The following FBXO8 variants were observed in gnomAD, a reference collection of about 807,000 sequenced individuals.
FBXO8 encodes F-box protein 8.
A neutral mutation model predicts 33.4 loss-of-function variants in FBXO8; 15 were observed. The observed-to-expected ratio is 0.45, with a 90% CI of 0.30 to 0.69. The LOEUF (loss-of-function observed/expected upper bound fraction) is 0.69. Ranked by LOEUF, FBXO8 falls within the 30% of genes least tolerant of loss-of-function variation. FBXO8 has a pLI of 0.08. For synonymous variants in FBXO8, 132 were observed against 131.5 expected (o/e 1.00, Z -0.02); for missense variants, 274 against 380.3 (o/e 0.72, Z 2.32).
chr4:174,252,554 C>T lies in FBXO8; in HGVS notation c.456+7145G>A, dbSNP rs935931928. 1.8e-4 allele frequency among the ~76,000 whole-genome samples: 28 copies of T among 152,116 alleles called. No homozygotes were observed. The highest frequency in any genetic ancestry group is 9.8e-4 in the Admixed American group (15 of 15,278). ...TCTTGGTAGGGTTACTAATACCCCT[C>T]ATGGCTACCAGATGGCTGCACATGG... On this transcript the variant is annotated intron_variant, in intron 3 of 5. Transcript: ENST00000393674. This position sits in a 1 kb window ranked among gnomAD's most constrained non-coding sequence, Gnocchi z 5.1.
In FBXO8 at chr4:174,245,048, G is replaced by A. The variant is rs1452880876; in HGVS notation, c.457-3830C>T. Among the ~76,000 whole-genome samples, 1 of 151,574 alleles carries A rather than the reference G, an allele frequency of 6.6e-6. No homozygotes were observed. Among genetic ancestry groups the A allele is most frequent in the African/African-American group, 2.4e-5 (1 of 41,314 alleles). ...AAACATGAAGCAATACATTAAAATT[G>A]TCCACATTTTATTTTTGAAACATAT... On this transcript the variant is annotated intron_variant, in intron 3 of 5. Transcript: ENST00000393674. This position sits in a 1 kb window ranked among gnomAD's most constrained non-coding sequence, Gnocchi z 4.6.
chr4:174,253,791 A>G lies in FBXO8; in HGVS notation c.456+5908T>C, dbSNP rs1736352857. On this transcript the variant is annotated intron_variant, in intron 3 of 5. Transcript: ENST00000393674. The surrounding 1 kb of genome is among the most constrained non-coding windows in gnomAD (Gnocchi z 4.5). Reference sequence around the variant, plus strand: ...TAGAAGTACGCCAAAGGCTTCTCAAAAAGATTTTTCTCCCTAATAAGTATA... The same window carrying G: ...TAGAAGTACGCCAAAGGCTTCTCAAGAAGATTTTTCTCCCTAATAAGTATA... Among the ~76,000 whole-genome samples, 1 of 152,214 alleles carries G rather than the reference A, an allele frequency of 6.6e-6. No individual in the cohort carries two copies. The highest frequency in any genetic ancestry group is 2.4e-5 in the African/African-American group (1 of 41,460).
rs1370802045 is a variant in FBXO8 at position 174,247,419 on chromosome 4, C to T, written c.457-6201G>A. On this transcript the variant is annotated intron_variant, in intron 3 of 5. Transcript: ENST00000393674. This position sits in a 1 kb window ranked among gnomAD's most constrained non-coding sequence, Gnocchi z 4.6. ...GTAAAATCTAGTACAATGGCCACTA[C>T]TTTTCAGGTCATCAAACTGCCCTTA... Among the ~76,000 whole-genome samples, 6 of 151,608 alleles carry T rather than the reference C, an allele frequency of 4.0e-5. No homozygotes were observed. Among genetic ancestry groups the T allele is most frequent in the Non-Finnish European group, 8.8e-5 (6 of 67,840 alleles).
rs1736148788 is a variant in FBXO8, at chr4:174,245,973, T to C, written c.457-4755A>G. 6.6e-6 allele frequency among the ~76,000 whole-genome samples: 1 copy of C among 151,856 alleles called. No individual in the cohort carries two copies. The highest frequency in any genetic ancestry group is 6.6e-5 in the Admixed American group (1 of 15,194). On this transcript the variant is annotated intron_variant, in intron 3 of 5. Coordinates refer to ENST00000393674, the MANE Select transcript of FBXO8 (RefSeq NM_012180.3). This position sits in a 1 kb window ranked among gnomAD's most constrained non-coding sequence, Gnocchi z 4.6. ...AGTGATGAGTTAGCTTTTAGACATG[T>C]TGAATTTTAGGTGATGACAGATATA...
chr4:174,241,258 T>C lies in FBXO8; in HGVS notation c.457-40A>G, dbSNP rs1184436696. The C allele has an allele frequency of 6.6e-6, 8 of 1,214,730 alleles. No homozygotes were observed. The highest frequency in any genetic ancestry group is 8.3e-6 in the Non-Finnish European group (7 of 839,298). The allele number at this position is 1,214,730 out of a possible 1,614,324, so 75.2% of individuals were successfully genotyped here. ...CAAGTCTACATAAATAAAATTGCTC[T>C]TTATTTATGCATTTTAACAATTAAG... On this transcript the variant is annotated intron_variant, in intron 3 of 5. Transcript: ENST00000393674. This position sits in a 1 kb window ranked among gnomAD's most constrained non-coding sequence, Gnocchi z 4.2.
rs1218105196 is a variant in FBXO8, at chr4:174,278,888, T to A, written c.-9+4522A>T. Among the ~76,000 whole-genome samples, 1 of 152,126 alleles carries A rather than the reference T, an allele frequency of 6.6e-6. No individual in the cohort carries two copies. Among genetic ancestry groups the A allele is most frequent in the Non-Finnish European group, 1.5e-5 (1 of 67,954 alleles). ...ACATTTAATAGTGAAAAGAGACTGA[T>A]GGAAAGAAAACATGAGTTTGACTCA... On this transcript the variant is annotated intron_variant, in intron 1 of 5. Coordinates refer to ENST00000393674, the MANE Select transcript of FBXO8 (RefSeq NM_012180.3). This position sits in a 1 kb window ranked among gnomAD's most constrained non-coding sequence, Gnocchi z 4.1.
rs141017785 is a variant in FBXO8, at chr4:174,254,589, G to A, written c.456+5110C>T. 3.3e-3 allele frequency among the ~76,000 whole-genome samples: 495 copies of A among 152,218 alleles called. 2 individuals are homozygous for A. The highest frequency in any genetic ancestry group is 0.014 in the Middle Eastern group (4 of 294). On this transcript the variant is annotated intron_variant, in intron 3 of 5. Coordinates refer to ENST00000393674, the MANE Select transcript of FBXO8 (RefSeq NM_012180.3). This position sits in a 1 kb window ranked among gnomAD's most constrained non-coding sequence, Gnocchi z 4.2. ...CAGATATATTTATCAATATGTACAG[G>A]CAGTTATTTGAATTCAATATTGCTT...
At chr4:174,260,252 G>A (rs918144399) in intron 2 of FBXO8, among the ~76,000 whole-genome samples, 5 of 151,938 alleles carry the variant, frequency 3.3e-5, no homozygotes, top group African/African-American at 1.2e-4. Flanking sequence ...AGTTGCCCAA[G>A]ATCATACGGC....
chr4:174,241,300 G>C lies in FBXO8; in HGVS notation c.457-82C>G. 2.7e-6 allele frequency: 2 copies of C among 729,016 alleles called. No homozygotes were observed. The highest frequency in any genetic ancestry group is 4.0e-5 in the South Asian group (2 of 50,264). The allele number at this position is 729,016 out of a possible 1,614,324, so 45.2% of individuals were successfully genotyped here. Reference sequence around the variant, plus strand: ...ACAATTAAGCAATAGCACAACAGTAGCTATAAATTCTTTCCAGCATTAATA... The same window carrying C: ...ACAATTAAGCAATAGCACAACAGTACCTATAAATTCTTTCCAGCATTAATA... On this transcript the variant is annotated intron_variant, in intron 3 of 5. Transcript: ENST00000393674. This position sits in a 1 kb window ranked among gnomAD's most constrained non-coding sequence, Gnocchi z 4.2.
chr4:174,263,858 T>G lies in FBXO8; in HGVS notation c.-8-758A>C, dbSNP rs565628865. The stretch of plus-strand genomic sequence containing the variant: ...GAAAGGTGTGCTCTAGTCTCCCCAC[T>G]ACCATCTGACCTCCCACCAGAGCAT... On this transcript the variant is annotated intron_variant, in intron 1 of 5. Transcript: ENST00000393674. This position sits in a 1 kb window ranked among gnomAD's most constrained non-coding sequence, Gnocchi z 4.2. Among the ~76,000 whole-genome samples, 22 of 152,284 alleles carry G rather than the reference T, an allele frequency of 1.4e-4. No homozygotes were observed. The highest frequency in any genetic ancestry group is 5.3e-4 in the African/African-American group (22 of 41,568).
In FBXO8 at chr4:174,263,722, T is replaced by C. The variant is rs757333943; in HGVS notation, c.-8-622A>G. On this transcript the variant is annotated intron_variant, in intron 1 of 5. Coordinates refer to ENST00000393674, the MANE Select transcript of FBXO8 (RefSeq NM_012180.3). The surrounding 1 kb of genome is among the most constrained non-coding windows in gnomAD (Gnocchi z 4.2). ...TAAATAGCTCGGTAACAGTAGACTA[T>C]TTAGTTTTGTTGTTGCCTTAAATTA... is the stretch of plus-strand genomic sequence containing the variant. 2.0e-5 allele frequency among the ~76,000 whole-genome samples: 3 copies of C among 152,186 alleles called. No homozygotes were observed. The highest frequency in any genetic ancestry group is 1.3e-4 in the Admixed American group (2 of 15,280).
At position 174,275,723 on chromosome 4, in the gene FBXO8, A is replaced by AC. The variant is rs1257375793; in HGVS notation, c.-9+7686dup. Among the ~76,000 whole-genome samples the AC allele has an allele frequency of 2.0e-5, 3 of 152,204 alleles. No homozygotes were observed. Among genetic ancestry groups the AC allele is most frequent in the Non-Finnish European group, 2.9e-5 (2 of 68,022 alleles). ...GTCTACCATCATTTCACAAATAGTA[A>AC]CTATTTTAGATTTTGGGAATCCAAC... On this transcript the variant is annotated intron_variant, in intron 1 of 5. Coordinates refer to ENST00000393674, the MANE Select transcript of FBXO8 (RefSeq NM_012180.3). This position sits in a 1 kb window ranked among gnomAD's most constrained non-coding sequence, Gnocchi z 4.4.
In FBXO8 at chr4:174,283,239, G is replaced by A. The variant is rs1384376828; in HGVS notation, c.-9+171C>T. Among the ~76,000 whole-genome samples the A allele has an allele frequency of 6.6e-6, 1 of 152,182 alleles. No homozygotes were observed. Among genetic ancestry groups the A allele is most frequent in the Non-Finnish European group, 1.5e-5 (1 of 68,042 alleles). On this transcript the variant is annotated intron_variant, in intron 1 of 5. Transcript: ENST00000393674. This position sits in a 1 kb window ranked among gnomAD's most constrained non-coding sequence, Gnocchi z 6.7. ...TGACAGTGATTCCTCACTTTAATGAGCCACCACTACTGTCACTCAAGATGC... is the reference window on the plus strand; with the variant it reads ...TGACAGTGATTCCTCACTTTAATGAACCACCACTACTGTCACTCAAGATGC...
At chr4:174,273,855 T>C (rs1266819665) in intron 1 of FBXO8, among the ~76,000 whole-genome samples, 1 of 152,156 alleles carries the variant, frequency 6.6e-6, no homozygotes, top group African/African-American at 2.4e-5. Context: ...AGAATTATTA[T>C]TATTATTATT....
intron 3 of FBXO8, among the ~76,000 whole-genome samples, chr4:174,250,167 G>A (rs1579022585): frequency 2.6e-5 from 4 of 151,892 alleles, no homozygotes; most frequent in Non-Finnish European, 4.4e-5. Context: ...TTTACAGATG[G>A]GGAAACTGAA....
rs1275882457 is a variant in FBXO8 at position 174,267,454 on chromosome 4, G to A, written c.-8-4354C>T. 6.6e-6 allele frequency among the ~76,000 whole-genome samples: 1 copy of A among 152,154 alleles called. No homozygotes were observed. Among genetic ancestry groups the A allele is most frequent in the Non-Finnish European group, 1.5e-5 (1 of 68,020 alleles). On this transcript the variant is annotated intron_variant, in intron 1 of 5. Transcript: ENST00000393674. The surrounding 1 kb of genome is among the most constrained non-coding windows in gnomAD (Gnocchi z 4.7). Reference sequence around the variant, plus strand: ...CCTATCCACTCAGGAGTCTGAGGCAGGAAGATCACTTGAGCTCAGGAGTTT... The same window carrying A: ...CCTATCCACTCAGGAGTCTGAGGCAAGAAGATCACTTGAGCTCAGGAGTTT...
In FBXO8 at chr4:174,237,588, C is replaced by A; in HGVS notation, c.784G>T (p.Val262Leu). The change falls in exon 6 of 6, where the codon GTA becomes TTA. Residue 262 changes from valine (V) to leucine (L), a missense_variant. Physicochemically the swap from Val to Leu is conservative, Grantham distance 32. Around this residue, in one of 2 missense-constraint regions of FBXO8, gnomAD observed 186 missense variants for 293.4 expected, o/e 0.63. Transcript: ENST00000393674. This position sits in a 1 kb window ranked among gnomAD's most constrained non-coding sequence, Gnocchi z 4.4. Reference protein sequence around the residue: ...ELGLSPDAVYVLCYSLILLSI... With the variant: ...ELGLSPDAVYLLCYSLILLSI... ...AGTAGAATCAAAGAGTAGCACAGTACATAGACAGCATCTGGAAAGAAAAAG... is the reference window on the plus strand; with the variant it reads ...AGTAGAATCAAAGAGTAGCACAGTAAATAGACAGCATCTGGAAAGAAAAAG... 1.3e-6 allele frequency: 2 copies of A among 1,594,234 alleles called. No homozygotes were observed. The highest frequency in any genetic ancestry group is 1.7e-6 in the Non-Finnish European group (2 of 1,167,718).
rs1219014581 is a variant in FBXO8, at chr4:174,281,469, G to A, written c.-9+1941C>T. Among the ~76,000 whole-genome samples the A allele has an allele frequency of 2.0e-5, 3 of 152,186 alleles. No homozygotes were observed. The highest frequency in any genetic ancestry group is 4.4e-5 in the Non-Finnish European group (3 of 68,042). ...TCCTGAACCTTGGGAGGCTGTGGAAGGAGGATCGCTTGAGCTCAGGACTTC... is the reference window on the plus strand; with the variant it reads ...TCCTGAACCTTGGGAGGCTGTGGAAAGAGGATCGCTTGAGCTCAGGACTTC... On this transcript the variant is annotated intron_variant, in intron 1 of 5. Transcript: ENST00000393674. This position sits in a 1 kb window ranked among gnomAD's most constrained non-coding sequence, Gnocchi z 4.6.
Position 174,241,131 on chromosome 4 carries a change from A to G in FBXO8, c.544T>C (p.Trp182Arg), listed in dbSNP as rs754641181. The G allele has an allele frequency of 3.1e-6, 5 of 1,606,532 alleles. No individual in the cohort carries two copies. In the South Asian group the frequency reaches 5.5e-5, roughly 18 times the overall value. ...TCAAGATAGATTCTCAGTTTTTTCC[A>G]ATTTAGTGTTCTTGTACAGAAGATA... ...KFIFCTRTLNWKKLRIYLDER... is the reference protein window; with the variant it reads ...KFIFCTRTLNRKKLRIYLDER... The change falls in exon 4 of 6, where the codon TGG becomes CGG. Residue 182 changes from tryptophan to arginine, a missense_variant. Trp to Arg is a moderately radical substitution (Grantham distance 101). This residue lies in a region of FBXO8 where 186 missense variants were observed against 293.4 expected (regional missense o/e 0.63). Coordinates refer to ENST00000393674, the MANE Select transcript of FBXO8 (RefSeq NM_012180.3). The surrounding 1 kb of genome is among the most constrained non-coding windows in gnomAD (Gnocchi z 4.2).
Sources: gnomAD v4.1 joint callset for allele counts (sites outside exome capture counted in the v4.1 genomes callset) on GRCh38, gnomAD v4.1.1 for gene constraint, gnomAD v4.1.1 regional missense constraint, Gnocchi (gnomAD v3.1) non-coding constraint, MANE v1.5 for transcripts, NCBI Gene and HGNC (gene_info 2026-07-23, HGNC 2026-07-21) for gene names.